GPC6: variants seen among roughly 807,000 people sequenced by gnomAD.
GPC6 encodes glypican-6.
A neutral mutation model predicts 55.2 loss-of-function variants in GPC6; 14 were observed. That is an observed-to-expected ratio of 0.25 (90% CI 0.17 to 0.40). The LOEUF (loss-of-function observed/expected upper bound fraction) is 0.40, where lower values mean the gene tolerates loss of function less well. Ranked by LOEUF, GPC6 falls within the 10% of genes least tolerant of loss-of-function variation. GPC6 has a pLI of 1.00. For synonymous variants in GPC6, 278 were observed against 259.6 expected (o/e 1.07, Z -0.68); for missense variants, 641 against 708.5 (o/e 0.90, Z 1.08).
intron 1 of GPC6, among the ~76,000 whole-genome samples, chr13:93,423,213 T>G (rs1187679358): frequency 1.3e-5 from 2 of 152,084 alleles, no homozygotes; most frequent in East Asian, 3.9e-4. Flanking sequence ...TGAGAAAAAT[T>G]AATAAAAATA....
intron 2 of GPC6, among the ~76,000 whole-genome samples, chr13:93,698,252 T>G (rs1311766722): frequency 6.6e-6 from 1 of 152,146 alleles, no homozygotes; most frequent in African/African-American, 2.4e-5. Context: ...GTGAATGTTT[T>G]GCTTAGGAAT....
At chr13:93,766,926 G>A (rs1313883120) in intron 2 of GPC6, among the ~76,000 whole-genome samples, 2 of 151,866 alleles carry the variant, frequency 1.3e-5, no homozygotes, top group Non-Finnish European at 2.9e-5. Context: ...TTAGCTGAGT[G>A]GACATTCCTA....
chr13:94,233,653 C>T lies in GPC6; in HGVS notation c.878-52696C>T, dbSNP rs563824098. On this transcript the variant is annotated intron_variant, in intron 4 of 8. Coordinates refer to ENST00000377047, the MANE Select transcript of GPC6 (RefSeq NM_005708.5). ...CCCCTGGTGTGAGTCACTTGGTAGCCGCCTTGATTTTCAGATTCGTTGTTT... is the reference window on the plus strand; with the variant it reads ...CCCCTGGTGTGAGTCACTTGGTAGCTGCCTTGATTTTCAGATTCGTTGTTT... 3.9e-5 allele frequency among the ~76,000 whole-genome samples: 6 copies of T among 152,166 alleles called. No individual in the cohort carries two copies. The South Asian group carries it at 6.3e-4, about 16-fold the overall frequency.
intron 4 of GPC6, among the ~76,000 whole-genome samples, chr13:94,272,463 C>CTTTTTTTTTTTTTTTTT (rs555664508): frequency 1.9e-4 from 16 of 85,736 alleles, no homozygotes; most frequent in East Asian, 3.1e-4. Context: ...CTTTTCTTTT[C>CTTTTTTTTTTTTTTTTT]TTTTTTTTTT....
At chr13:93,395,957 T>A (rs1460397755) in intron 1 of GPC6, 3 of 152,210 alleles carry the variant, frequency 2.0e-5, no homozygotes, top group Non-Finnish European at 4.4e-5. Context: ...CATGTGTTAA[T>A]CTATCCCTGA....
intron 6 of GPC6, among the ~76,000 whole-genome samples, chr13:94,337,252 T>C (rs1594182539): frequency 2.0e-5 from 3 of 152,140 alleles, no homozygotes; most frequent in Non-Finnish European, 4.4e-5. Context: ...TTTCATGTAT[T>C]GAAGCCTTGA....
At chr13:93,901,837 G>A (rs143808704) in intron 3 of GPC6, among the ~76,000 whole-genome samples, 3 of 150,622 alleles carry the variant, frequency 2.0e-5, no homozygotes, top group African/African-American at 7.3e-5. Context: ...GGAAGTGGAG[G>A]TTGCAGTGAG....
chr13:93,322,859 T>C lies in GPC6; in HGVS notation c.160+95243T>C, dbSNP rs142155175. ...AACGTGCATGTTGGTTAAATAGGTA[T>C]ACGCGTGCCATGGTGGTTTGCTGCA... On this transcript the variant is annotated intron_variant, in intron 1 of 8. Coordinates refer to ENST00000377047, the MANE Select transcript of GPC6 (RefSeq NM_005708.5). 2.2e-4 allele frequency among the ~76,000 whole-genome samples: 34 copies of C among 152,286 alleles called. No homozygotes were observed. The East Asian group carries it at 6.0e-3, about 27-fold the overall frequency.
intron 2 of GPC6, among the ~76,000 whole-genome samples, chr13:93,634,004 A>G (rs1879591583): frequency 6.6e-6 from 1 of 152,160 alleles, no homozygotes; most frequent in South Asian, 2.1e-4. Flanking sequence ...GAAAGTTACT[A>G]TTTGTTCATG....
intron 1 of GPC6, among the ~76,000 whole-genome samples, chr13:93,428,209 G>C (rs557532900): frequency 1.8e-4 from 28 of 152,230 alleles, no homozygotes; most frequent in African/African-American, 5.5e-4. Context: ...CAGTTCTGCT[G>C]AGGATTTATG....
At chr13:94,087,797 G>A (rs1283910891) in intron 4 of GPC6, among the ~76,000 whole-genome samples, 2 of 152,154 alleles carry the variant, frequency 1.3e-5, no homozygotes, top group South Asian at 2.1e-4. Context: ...AGTCATCTTT[G>A]AGCTTAGCTT....
intron 2 of GPC6, among the ~76,000 whole-genome samples, chr13:93,724,355 C>T (rs1354644357): frequency 6.6e-6 from 1 of 152,002 alleles, no homozygotes; most frequent in Non-Finnish European, 1.5e-5. Context: ...TTTACTGTGA[C>T]TCTCAGCAAA....
intron 4 of GPC6, among the ~76,000 whole-genome samples, chr13:94,166,149 T>C (rs1470866833): frequency 6.6e-6 from 1 of 152,190 alleles, no homozygotes; most frequent in Non-Finnish European, 1.5e-5. Context: ...CACTGGATAA[T>C]GGAGGAGCCC....
chr13:94,084,142 G>A (rs1885202337), intron 4 of GPC6, among the ~76,000 whole-genome samples: 4 of 152,082 alleles, frequency 2.6e-5, no homozygotes. Context: ...AGTTATCATT[G>A]TTAATGAAAA....
chr13:93,464,698 C>T (rs566748096), intron 1 of GPC6, among the ~76,000 whole-genome samples: 1 of 152,282 alleles, frequency 6.6e-6, no homozygotes, highest in East Asian at 1.9e-4. Context: ...TCAAATTCTT[C>T]CAAACAACTG....
intron 2 of GPC6, among the ~76,000 whole-genome samples, chr13:93,553,694 CAAAAAAAAA>C (rs34521652): frequency 1.4e-4 from 8 of 56,648 alleles, no homozygotes; most frequent in South Asian, 1.4e-3. Context: ...GACTCCATCT[CAAAAAAAAA>C]AAAAAAAAAA....
chr13:93,442,727 A>C (rs549478769), intron 1 of GPC6, among the ~76,000 whole-genome samples: 1 of 152,132 alleles, frequency 6.6e-6, no homozygotes, highest in Non-Finnish European at 1.5e-5. Flanking sequence ...ATGGCAGATT[A>C]AGACAATCTT....
intron 4 of GPC6, among the ~76,000 whole-genome samples, chr13:94,064,423 C>T (rs879640062): frequency 5.9e-5 from 9 of 152,130 alleles, no homozygotes; most frequent in Non-Finnish European, 1.2e-4. Flanking sequence ...AGCTCCGTAG[C>T]TCGAATGGGG....
intron 4 of GPC6, among the ~76,000 whole-genome samples, chr13:94,171,595 A>C (rs572395249): frequency 2.2e-4 from 34 of 152,288 alleles, no homozygotes; most frequent in African/African-American, 7.9e-4. Flanking sequence ...GAAAATTCCA[A>C]AGTATATTCA....
Sources: gnomAD v4.1 joint callset for allele counts (sites outside exome capture counted in the v4.1 genomes callset) on GRCh38, gnomAD v4.1.1 for gene constraint, MANE v1.5 for transcripts, NCBI Gene and HGNC (gene_info 2026-07-23, HGNC 2026-07-21) for gene names.